The following MBTD1 variants were observed in gnomAD, a reference collection of about 807,000 sequenced individuals.
MBTD1 encodes the protein mbt domain containing 1, also known as MBT domain-containing protein 1.
Under a neutral mutation model 87.8 loss-of-function variants are expected in MBTD1, and 24 were observed. The observed-to-expected ratio is 0.27, with a 90% CI of 0.20 to 0.38. The LOEUF (loss-of-function observed/expected upper bound fraction) is 0.38. MBTD1 is among the 10% of genes least tolerant of loss of function. The probability of loss-of-function intolerance (pLI) is 1.00; values close to 1 mark genes in which losing one functional copy is unlikely to be tolerated. For synonymous variants in MBTD1, 237 were observed against 248.6 expected (o/e 0.95, Z 0.44); for missense variants, 436 against 760.2 (o/e 0.57, Z 5.02).
At chr17:51,207,163 T>C (rs184980008) in intron 6 of MBTD1, among the ~76,000 whole-genome samples, 158 bp from the exon 7 acceptor site, 1 of 152,190 alleles carries the variant, frequency 6.6e-6, no homozygotes, top group African/African-American at 2.4e-5. Context: ...AAAGCCAGTT[T>C]CAGGGACAAA....
intron 2 of MBTD1, among the ~76,000 whole-genome samples, chr17:51,249,284 G>A (rs1270035381): frequency 6.6e-6 from 1 of 151,670 alleles, no homozygotes; most frequent in Non-Finnish European, 1.5e-5. Context: ...TGATTATTAG[G>A]GATATACTTG....
chr17:51,228,188 T>TA (rs1414414617), intron 2 of MBTD1, among the ~76,000 whole-genome samples: 1 of 151,668 alleles, frequency 6.6e-6, no homozygotes, highest in Non-Finnish European at 1.5e-5. Context: ...CATGGACACA[T>TA]AGAGGAAACA....
chr17:51,236,147 A>C (rs575690648), intron 2 of MBTD1, among the ~76,000 whole-genome samples: 1 of 152,268 alleles, frequency 6.6e-6, no homozygotes, highest in African/African-American at 2.4e-5. Flanking sequence ...TATCTACAGA[A>C]TCTATATATA....
At chr17:51,197,570 C>T (rs115640678) in intron 12 of MBTD1, among the ~76,000 whole-genome samples, 1,510 of 149,544 alleles carry the variant, frequency 0.01, 34 homozygotes, top group African/African-American at 0.035. Flanking sequence ...TGCAGTGGTA[C>T]AATCATGGCT....
chr17:51,224,809 G>GTTGTAT (rs1352998043), intron 3 of MBTD1, among the ~76,000 whole-genome samples, 199 bp downstream of exon 3: 2 of 151,832 alleles, frequency 1.3e-5, no homozygotes, highest in Non-Finnish European at 2.9e-5. Flanking sequence ...TTTTGTTGTT[G>GTTGTAT]TTGTATTTGC....
In MBTD1 at chr17:51,259,901, C is replaced by T; in HGVS notation, c.-179G>A. On this transcript the variant is annotated 5_prime_UTR_variant, in exon 1 of 17. Transcript: ENST00000586178. ...TTGTCCGTGCTCCCCGAGCCCGCGG[C>T]GCCCCCTCCCCGGGCTGGGGGCAGG... is the stretch of plus-strand genomic sequence containing the variant. 2 of 1,231,668 alleles carry T rather than the reference C, an allele frequency of 1.6e-6. No homozygotes were observed. The highest frequency in any genetic ancestry group is 2.0e-6 in the Non-Finnish European group (2 of 987,626). The allele number at this position is 1,231,668 out of a possible 1,614,324, so 76.3% of individuals were successfully genotyped here. A position where few individuals can be genotyped will look rare whatever the true frequency, so the allele number is the denominator to read the frequency against.
intron 16 of MBTD1, among the ~76,000 whole-genome samples, chr17:51,181,851 A>G (rs977529313): frequency 6.6e-6 from 1 of 152,182 alleles, no homozygotes; most frequent in African/African-American, 2.4e-5. Context: ...GTAGGTCTTT[A>G]GTATGGAAAA....
In MBTD1 at chr17:51,180,524, A is replaced by T. The variant is rs1228603236; in HGVS notation, c.*52T>A. 1.1e-6 allele frequency: 1 copy of T among 889,964 alleles called. No individual in the cohort carries two copies. Among genetic ancestry groups the T allele is most frequent in the Non-Finnish European group, 1.8e-6 (1 of 558,648 alleles). 55.1% of individuals were successfully genotyped at this position (889,964 alleles called of 1,614,324 possible). ...CCCCTGTACAGCTGGATTGATTATAAATCAGTCCTGTGTAAAATCCTTCCC... is the reference window on the plus strand; with the variant it reads ...CCCCTGTACAGCTGGATTGATTATATATCAGTCCTGTGTAAAATCCTTCCC... On this transcript the variant is annotated 3_prime_UTR_variant, in exon 17 of 17. Coordinates refer to ENST00000586178, the MANE Select transcript of MBTD1 (RefSeq NM_017643.3).
intron 11 of MBTD1, 25 bp from the exon 12 acceptor site, chr17:51,201,721 C>A (rs749399941): frequency 7.3e-7 from 1 of 1,361,502 alleles, no homozygotes; most frequent in Non-Finnish European, 1.0e-6. Context: ...GAAAGCACAT[C>A]TACTGTTACA....
chr17:51,179,524 A>ATT lies in MBTD1; in HGVS notation c.*1051_*1052insAA, dbSNP rs1454139467. ...TATATATATATATATATATATATAT[A>ATT]TATATATATATATGGAATTTTAAGA... On this transcript the variant is annotated 3_prime_UTR_variant, in exon 17 of 17. Transcript: ENST00000586178. 12 of 107,936 alleles carry ATT rather than the reference A, an allele frequency of 1.1e-4. No individual in the cohort carries two copies. The highest frequency in any genetic ancestry group is 2.9e-4 in the South Asian group (1 of 3,498). 6.7% of individuals were successfully genotyped at this position (107,936 alleles called of 1,614,324 possible). A position where few individuals can be genotyped will look rare whatever the true frequency, so the allele number is the denominator to read the frequency against.
chr17:51,255,524 T>G (rs2055035085), intron 2 of MBTD1, among the ~76,000 whole-genome samples: 1 of 152,058 alleles, frequency 6.6e-6, no homozygotes, highest in Admixed American at 6.5e-5. Context: ...ACTTCTCTGG[T>G]GTATAAAATA....
intron 2 of MBTD1, among the ~76,000 whole-genome samples, chr17:51,247,435 G>A (rs1353647762): frequency 7.6e-6 from 1 of 132,124 alleles, no homozygotes. Flanking sequence ...TAAGAAATCA[G>A]TATTACTTTT....
chr17:51,260,631 G>A (rs775140475), upstream of MBTD1: 13 of 1,612,546 alleles, frequency 8.1e-6, no homozygotes, highest in African/African-American at 1.2e-4. Context: ...CGGAGAACCG[G>A]AGCGAAGCCG....
In MBTD1 at chr17:51,179,482, T is replaced by TTATATATATATATATATATATA. The variant is rs1491325264; in HGVS notation, c.*1093_*1094insTATATATATATATATATATATA. On this transcript the variant is annotated 3_prime_UTR_variant, in exon 17 of 17. Coordinates refer to ENST00000586178, the MANE Select transcript of MBTD1 (RefSeq NM_017643.3). ...AAATCCTGAATACAATTAAAGACAA[T>TTATATATATATATATATATATA]TTTATATATATATATATATATATAT... 7.3e-3 allele frequency: 230 copies of TTATATATATATATATATATATA among 31,616 alleles called. 11 individuals are homozygous for TTATATATATATATATATATATA. The highest frequency in any genetic ancestry group is 0.014 in the Admixed American group (31 of 2,194). The allele number at this position is 31,616 out of a possible 1,614,324, so 2.0% of individuals were successfully genotyped here. A position where few individuals can be genotyped will look rare whatever the true frequency, so the allele number is the denominator to read the frequency against.
At chr17:51,250,941 T>A (rs1273491701) in intron 2 of MBTD1, 1 of 152,232 alleles carries the variant, frequency 6.6e-6, no homozygotes, top group East Asian at 1.9e-4. Flanking sequence ...GTGGGAATGT[T>A]AAAACTTCAT....
chr17:51,190,399 G>A (rs575315497), intron 16 of MBTD1, among the ~76,000 whole-genome samples: 14 of 151,914 alleles, frequency 9.2e-5, no homozygotes, highest in South Asian at 2.1e-4. Context: ...GAGCCACCGC[G>A]TCCAGTCCAA....
intron 1 of MBTD1, 134 bp downstream of exon 1, chr17:51,259,701 G>A: frequency 1.3e-6 from 1 of 796,822 alleles, no homozygotes; most frequent in Non-Finnish European, 1.7e-6. Flanking sequence ...GGGGGGCTCC[G>A]GAGGTTGAGA....
intron 6 of MBTD1, among the ~76,000 whole-genome samples, chr17:51,214,945 A>C (rs1453992320): frequency 6.6e-6 from 1 of 152,240 alleles, no homozygotes; most frequent in African/African-American, 2.4e-5. Context: ...CGGAGGGGAC[A>C]ACCAGGAAGA....
At chr17:51,256,974 G>C (rs2144298908) in intron 2 of MBTD1, 1 of 152,202 alleles carries the variant, frequency 6.6e-6, no homozygotes, top group South Asian at 2.1e-4. Flanking sequence ...TGTTCAAATG[G>C]GAATTATTTC....
Sources: gnomAD v4.1 joint callset for allele counts (sites outside exome capture counted in the v4.1 genomes callset) on GRCh38, gnomAD v4.1.1 for gene constraint, MANE v1.5 for transcripts, NCBI Gene and HGNC (gene_info 2026-07-23, HGNC 2026-07-21) for gene names.